Variants in AK5 observed in about 807,000 individuals in gnomAD.
The protein encoded by AK5 is adenylate kinase isoenzyme 5.
In AK5, 27 loss-of-function variants were observed where a neutral mutation model predicts 69.5. The ratio of observed to expected loss-of-function variants is 0.39; its 90% CI spans 0.29 to 0.54. The LOEUF is 0.54. Ranked by LOEUF, AK5 falls within the 20% of genes least tolerant of loss-of-function variation. The pLI is 0.71. For synonymous variants in AK5, 260 were observed against 244.4 expected (o/e 1.06, Z -0.60); for missense variants, 531 against 700.4 (o/e 0.76, Z 2.73).
chr1:77,531,801 A>G (rs1198348140), intron 12 of AK5, among the ~76,000 whole-genome samples: 2 of 78,474 alleles, frequency 2.5e-5, no homozygotes, highest in Non-Finnish European at 4.7e-5. Flanking sequence ...GCCGTGGAGC[A>G]GGGGGCTGCG....
chr1:77,447,783 T>C (rs947833402), intron 8 of AK5, among the ~76,000 whole-genome samples: 6 of 152,224 alleles, frequency 3.9e-5, no homozygotes, highest in African/African-American at 1.4e-4. Context: ...AAACTGTTGT[T>C]AATGAGAAAC....
intron 12 of AK5, among the ~76,000 whole-genome samples, chr1:77,531,319 C>T (rs997949911): frequency 3.9e-5 from 6 of 152,202 alleles, no homozygotes; most frequent in African/African-American, 1.4e-4. Context: ...GGGACCCCAG[C>T]GGGTTGCCAC....
chr1:77,367,571 A>AT (rs58146762), intron 6 of AK5, among the ~76,000 whole-genome samples: 6,560 of 15,688 alleles, frequency 0.42, 1,233 homozygotes, highest in South Asian at 0.6. Flanking sequence ...ATATATATAT[A>AT]TATATATAAT....
intron 10 of AK5, among the ~76,000 whole-genome samples, chr1:77,506,216 T>TTTGG (rs60715102): frequency 0.032 from 4,798 of 149,060 alleles, 91 homozygotes; most frequent in East Asian, 0.063. Context: ...AGGATCGGTG[T>TTTGG]TTGGTTGGTT....
intron 6 of AK5, among the ~76,000 whole-genome samples, chr1:77,391,108 G>A (rs902711393): frequency 7.9e-5 from 12 of 152,118 alleles, no homozygotes; most frequent in African/African-American, 2.9e-4. Context: ...TGAGCGAAGG[G>A]AAAAGCAGAA....
chr1:77,518,517 A>T, intron 10 of AK5, 47 bp from the exon 11 acceptor site: 1 of 1,593,760 alleles, frequency 6.3e-7, no homozygotes, highest in Non-Finnish European at 8.6e-7. Flanking sequence ...ATTAAAAATG[A>T]GGCACCAGAC....
intron 6 of AK5, among the ~76,000 whole-genome samples, chr1:77,344,953 A>AT (rs1386379395): frequency 6.7e-6 from 1 of 149,106 alleles, no homozygotes; most frequent in Non-Finnish European, 1.5e-5. Context: ...AATATATGCA[A>AT]TTTTGTTTAT....
At chr1:77,426,282 A>G (rs192778619) in intron 8 of AK5, among the ~76,000 whole-genome samples, 124 of 152,326 alleles carry the variant, frequency 8.1e-4, no homozygotes, top group African/African-American at 2.8e-3. Context: ...AAGTAAATAG[A>G]GAAAGCTCTA....
At chr1:77,448,725 G>A (rs1652913449) in intron 8 of AK5, among the ~76,000 whole-genome samples, 1 of 152,216 alleles carries the variant, frequency 6.6e-6, no homozygotes, top group Non-Finnish European at 1.5e-5. Flanking sequence ...CAACAAGAAG[G>A]AGGGAAGAAA....
intron 8 of AK5, among the ~76,000 whole-genome samples, chr1:77,425,110 A>G (rs1450161683): frequency 1.3e-5 from 2 of 152,194 alleles, no homozygotes; most frequent in African/African-American, 4.8e-5. Context: ...AAAATGGAGT[A>G]AAATATTTAA....
At chr1:77,456,744 A>G (rs1653509247) in intron 8 of AK5, among the ~76,000 whole-genome samples, 1 of 152,126 alleles carries the variant, frequency 6.6e-6, no homozygotes, top group Non-Finnish European at 1.5e-5. Context: ...AGTGACGTGC[A>G]GGGCATCACT....
intron 8 of AK5, among the ~76,000 whole-genome samples, chr1:77,470,857 A>T (rs1462420384): frequency 0.026 from 50 of 1,924 alleles, 3 homozygotes; most frequent in Non-Finnish European, 0.044. Flanking sequence ...ATATATATAT[A>T]TATATATATA....
chr1:77,536,170 GGGCCAAAA>G (rs1271938539), intron 13 of AK5, 132 bp downstream of exon 13: 1 of 1,030,696 alleles, frequency 9.7e-7, no homozygotes, highest in East Asian at 2.6e-5. Flanking sequence ...TGCAGCACTG[GGGCCAAAA>G]GGCCCAGCAC....
intron 13 of AK5, among the ~76,000 whole-genome samples, chr1:77,549,458 C>T (rs1276651956): frequency 4.0e-5 from 6 of 151,808 alleles, no homozygotes; most frequent in African/African-American, 1.2e-4. Context: ...ATAGATAATC[C>T]GATTATAGTC....
At chr1:77,321,008 A>G (rs1310645342) in intron 5 of AK5, among the ~76,000 whole-genome samples, 4 of 152,216 alleles carry the variant, frequency 2.6e-5, no homozygotes, top group African/African-American at 7.2e-5. Flanking sequence ...AATGTTAACA[A>G]TCTTCTCTCA....
chr1:77,482,232 C>T (rs1655295765), intron 8 of AK5, among the ~76,000 whole-genome samples: 1 of 152,088 alleles, frequency 6.6e-6, no homozygotes, highest in African/African-American at 2.4e-5. Context: ...TGAGGGGTGA[C>T]AGAGTGGAGA....
intron 9 of AK5, among the ~76,000 whole-genome samples, chr1:77,485,362 A>G (rs1655524219): frequency 6.6e-6 from 1 of 152,130 alleles, no homozygotes; most frequent in Non-Finnish European, 1.5e-5. Context: ...TTGGGGCTTC[A>G]CTCAGCTGAT....
intron 8 of AK5, among the ~76,000 whole-genome samples, chr1:77,462,303 AGATGGATGGATGGATGGATG>A (rs56413918): frequency 2.7e-5 from 4 of 150,048 alleles, no homozygotes; most frequent in East Asian, 3.9e-4. Context: ...TTTGTTGGAT[AGATGGATGGATGGATGGATG>A]GATGGATGGA....
intron 1 of AK5, chr1:77,283,407 T>C (rs950982669): frequency 1.5e-5 from 15 of 985,084 alleles, no homozygotes; most frequent in Admixed American, 6.2e-5. Flanking sequence ...TAGACTGATA[T>C]CGTAAACTAA....
Sources: gnomAD v4.1 joint callset for allele counts (sites outside exome capture counted in the v4.1 genomes callset) on GRCh38, gnomAD v4.1.1 for gene constraint, MANE v1.5 for transcripts, NCBI Gene and HGNC (gene_info 2026-07-23, HGNC 2026-07-21) for gene names.